Variants in SEZ6L observed in about 807,000 individuals in gnomAD.
SEZ6L encodes seizure 6-like protein.
In SEZ6L, 37 loss-of-function variants were observed where a neutral mutation model predicts 106.2. The observed-to-expected ratio is 0.35, with a 90% CI of 0.27 to 0.46. The LOEUF (loss-of-function observed/expected upper bound fraction) is 0.46. Ranked by LOEUF, SEZ6L falls within the 20% of genes least tolerant of loss-of-function variation. SEZ6L has a pLI of 1.00. For missense variants in SEZ6L, 1,172 were observed against 1,332.8 expected, an observed-to-expected ratio of 0.88 and a Z score of 1.88; for synonymous variants, 541 against 570.4, an observed-to-expected ratio of 0.95 and a Z score of 0.73.
At chr22:26,308,694 T>G (rs1569456398) in intron 6 of SEZ6L, among the ~76,000 whole-genome samples, 1 of 152,212 alleles carries the variant, frequency 6.6e-6, no homozygotes, top group Non-Finnish European at 1.5e-5. Context: ...TTTATTTAAT[T>G]CAGCATTTTG....
In SEZ6L at chr22:26,369,240, A is replaced by T. The variant is rs2083921491; in HGVS notation, c.2794+3674A>T. ...AACCACACAGGTGAATTGTATCATCAGCCAAGTATGGGAAACACTAGCATG... is the reference window on the plus strand; with the variant it reads ...AACCACACAGGTGAATTGTATCATCTGCCAAGTATGGGAAACACTAGCATG... On this transcript the variant is annotated intron_variant, in intron 13 of 16. Transcript: ENST00000248933. Among the ~76,000 whole-genome samples the T allele has an allele frequency of 3.3e-5, 5 of 151,934 alleles. No individual in the cohort carries two copies. In the South Asian group the frequency reaches 1.0e-3, roughly 32 times the overall value.
intron 12 of SEZ6L, among the ~76,000 whole-genome samples, chr22:26,352,315 A>C (rs921024550): frequency 1.3e-5 from 2 of 152,176 alleles, no homozygotes; most frequent in African/African-American, 4.8e-5. Context: ...CAGCTGCACT[A>C]ATATTTTAAA....
intron 1 of SEZ6L, among the ~76,000 whole-genome samples, chr22:26,213,452 A>G (rs766470359): frequency 3.9e-5 from 6 of 152,212 alleles, no homozygotes; most frequent in Admixed American, 6.5e-5. Flanking sequence ...GTCATAACAC[A>G]TGCAATCTTT....
chr22:26,265,238 C>G (rs1204308296), intron 1 of SEZ6L, among the ~76,000 whole-genome samples: 2 of 152,162 alleles, frequency 1.3e-5, no homozygotes, highest in Non-Finnish European at 2.9e-5. Context: ...CCTCCCTTGT[C>G]AACCTGAATT....
At chr22:26,375,403 G>T (rs1228600163) in intron 14 of SEZ6L, among the ~76,000 whole-genome samples, 172 bp from the exon 15 acceptor site, 1 of 152,058 alleles carries the variant, frequency 6.6e-6, no homozygotes, top group Non-Finnish European at 1.5e-5. Context: ...CCCTTGCAAA[G>T]GACCACCACC....
intron 16 of SEZ6L, among the ~76,000 whole-genome samples, chr22:26,378,832 T>C (rs1208349195): frequency 6.6e-6 from 1 of 152,212 alleles, no homozygotes; most frequent in African/African-American, 2.4e-5. Flanking sequence ...TAAACCTGAC[T>C]TGTTTCTTAT....
At chr22:26,338,420 TGA>T in intron 9 of SEZ6L, among the ~76,000 whole-genome samples, 1 of 152,300 alleles carries the variant, frequency 6.6e-6, no homozygotes, top group South Asian at 2.1e-4. Flanking sequence ...TTTTGTGAGA[TGA>T]GTTCTTGCTC....
At chr22:26,314,027 G>T in intron 9 of SEZ6L, 125 bp downstream of exon 9, 2 of 916,698 alleles carry the variant, frequency 2.2e-6, no homozygotes, top group Non-Finnish European at 3.4e-6. Context: ...GGACTATGCA[G>T]AGAACAGGCA....
At chr22:26,367,884 C>T (rs1326570496) in intron 13 of SEZ6L, among the ~76,000 whole-genome samples, 2 of 152,210 alleles carry the variant, frequency 1.3e-5, no homozygotes, top group Non-Finnish European at 2.9e-5. Flanking sequence ...GCCTCGCCCC[C>T]ACCTCCCAGA....
chr22:26,346,655 C>T (rs1187810277), intron 10 of SEZ6L, among the ~76,000 whole-genome samples: 2 of 152,204 alleles, frequency 1.3e-5, no homozygotes, highest in African/African-American at 4.8e-5. Context: ...GATGAACTTC[C>T]AAATGGCTCA....
intron 12 of SEZ6L, chr22:26,351,544 TGTTGGTTG>T (rs71192916): frequency 6.2e-6 from 1 of 160,988 alleles, no homozygotes; most frequent in Non-Finnish European, 1.1e-5. Context: ...TTTGTTTGTT[TGTTGGTTG>T]GTTGGTTGGT....
chr22:26,350,334 C>T (rs2083234340), intron 11 of SEZ6L, among the ~76,000 whole-genome samples: 1 of 150,762 alleles, frequency 6.6e-6, no homozygotes, highest in Admixed American at 6.6e-5. Context: ...CTTAAGCGAT[C>T]CTCTCACCTC....
chr22:26,278,627 A>T (rs1204045304), intron 1 of SEZ6L, among the ~76,000 whole-genome samples: 2 of 152,192 alleles, frequency 1.3e-5, no homozygotes, highest in South Asian at 2.1e-4. Flanking sequence ...TTTCATTCCT[A>T]AAAATGTCTT....
chr22:26,326,300 C>A (rs376358242), intron 9 of SEZ6L, among the ~76,000 whole-genome samples: 16 of 152,186 alleles, frequency 1.1e-4, no homozygotes, highest in Admixed American at 1.0e-3. Flanking sequence ...TAGGGAGACA[C>A]GACTGCTTGT....
In SEZ6L at chr22:26,370,816, CA is replaced by C. The variant is rs144548689; in HGVS notation, c.2795-2631del. Among the ~76,000 whole-genome samples, 755 of 152,052 alleles carry C rather than the reference CA, an allele frequency of 5.0e-3. 2 individuals carry two copies. Among genetic ancestry groups the C allele is most frequent in the African/African-American group, 0.017 (724 of 41,500 alleles). On this transcript the variant is annotated intron_variant, in intron 13 of 16. Coordinates refer to ENST00000248933, the MANE Select transcript of SEZ6L (RefSeq NM_021115.5). ...CCCAGGAGTTCGAGACCAGCCTAGG[CA>C]AAATAGTGGGACCTCATTTCTACAA...
chr22:26,190,860 T>A (rs1003089157), intron 1 of SEZ6L, among the ~76,000 whole-genome samples: 8 of 152,172 alleles, frequency 5.3e-5, no homozygotes, highest in Non-Finnish European at 1.2e-4. Context: ...GAAAGACTCA[T>A]AAAGGAACTG....
chr22:26,246,765 A>G (rs2145784464), intron 1 of SEZ6L, among the ~76,000 whole-genome samples: 1 of 152,308 alleles, frequency 6.6e-6, no homozygotes, highest in South Asian at 2.1e-4. Flanking sequence ...TGAATCTGTA[A>G]TGGGTAGAGA....
intron 10 of SEZ6L, among the ~76,000 whole-genome samples, chr22:26,344,656 GA>G (rs2082950847): frequency 6.6e-6 from 1 of 152,194 alleles, no homozygotes; most frequent in African/African-American, 2.4e-5. Flanking sequence ...CCATGAGACC[GA>G]AACCATGACT....
intron 1 of SEZ6L, among the ~76,000 whole-genome samples, chr22:26,231,278 C>T (rs1182343884): frequency 2.6e-5 from 4 of 152,200 alleles, no homozygotes; most frequent in Non-Finnish European, 5.9e-5. Context: ...CTGGTCATTG[C>T]CATGGAAAGG....
Sources: allele counts gnomAD v4.1 joint callset (sites outside exome capture counted in the v4.1 genomes callset), GRCh38; gene constraint gnomAD v4.1.1; transcripts MANE v1.5; gene names NCBI Gene and HGNC (gene_info 2026-07-23, HGNC 2026-07-21).